Variants in CLEC12A observed in about 807,000 individuals in gnomAD.
The protein encoded by CLEC12A is C-type lectin protein CLL-1.
A neutral mutation model predicts 26.5 loss-of-function variants in CLEC12A; 22 were observed. The observed-to-expected ratio is 0.83, with a 90% CI of 0.59 to 1.19. The LOEUF (loss-of-function observed/expected upper bound fraction) is 1.19, where lower values mean the gene tolerates loss of function less well. CLEC12A is among the 50% of genes most tolerant of loss of function. The pLI, the probability that CLEC12A is intolerant of heterozygous loss-of-function variation, is 0.00. For synonymous variants in CLEC12A, 119 were observed against 101.9 expected (o/e 1.17, Z -1.01); for missense variants, 353 against 315.6 (o/e 1.12, Z -0.90).
downstream of CLEC12A, chr12:9,997,201 C>T (rs1865074571): frequency 6.2e-7 from 1 of 1,613,992 alleles, no homozygotes; most frequent in Non-Finnish European, 8.5e-7. Context: ...CACATATTGA[C>T]AGAAGCGCTT....
intron 1 of CLEC12A, among the ~76,000 whole-genome samples, chr12:9,954,513 A>G (rs529959481): frequency 1.3e-5 from 2 of 152,258 alleles, no homozygotes; most frequent in African/African-American, 4.8e-5. Flanking sequence ...TAATCAAACT[A>G]TCATGGAAAC....
At chr12:9,986,199 T>C, downstream of CLEC12A, 1 of 448,778 alleles carries the variant, frequency 2.2e-6, no homozygotes, top group South Asian at 1.6e-5. Flanking sequence ...ATTTACAGTT[T>C]GATCATTAAA....
At chr12:9,997,590 T>C (rs1163477549), downstream of CLEC12A, among the ~76,000 whole-genome samples, 5 of 152,212 alleles carry the variant, frequency 3.3e-5, no homozygotes, top group East Asian at 1.9e-4. Flanking sequence ...AGCTGAGTTA[T>C]AGAGGTGAAT....
At chr12:10,002,374 T>G in the CLEC12A span, among the ~76,000 whole-genome samples, 2 of 152,034 alleles carry the variant, frequency 1.3e-5, no homozygotes, top group African/African-American at 4.8e-5. Flanking sequence ...AGGTTAGTCT[T>G]TATGAAGCAG....
rs956262885 is a variant in CLEC12A at position 9,985,075 on chromosome 12, C to T, written c.*49C>T. Reference sequence around the variant, plus strand: ...GAGTGTAGGGGGTGGGGGTTCTAGGCTATAGGTAAATTTAAATATTTTCTG... The same window carrying T: ...GAGTGTAGGGGGTGGGGGTTCTAGGTTATAGGTAAATTTAAATATTTTCTG... On this transcript the variant is annotated 3_prime_UTR_variant, in exon 6 of 6. Transcript: ENST00000304361. The T allele has an allele frequency of 1.5e-5, 20 of 1,332,652 alleles. No individual in the cohort carries two copies. The highest frequency in any genetic ancestry group is 1.9e-5 in the Non-Finnish European group (20 of 1,042,612). The allele number at this position is 1,332,652 out of a possible 1,614,324, so 82.6% of individuals were successfully genotyped here. A position where few individuals can be genotyped will look rare whatever the true frequency, so the allele number is the denominator to read the frequency against.
the CLEC12A span, among the ~76,000 whole-genome samples, chr12:10,001,823 A>G: frequency 6.6e-6 from 1 of 151,810 alleles, no homozygotes; most frequent in Non-Finnish European, 1.5e-5. Context: ...CCTTGCTTGA[A>G]TATCTTATTC....
At chr12:9,990,042 A>T (rs1236771386), downstream of CLEC12A, among the ~76,000 whole-genome samples, 1 of 152,208 alleles carries the variant, frequency 6.6e-6, no homozygotes, top group East Asian at 1.9e-4. Context: ...CTCAGAAAAA[A>T]AAAAGGTCTT....
At chr12:9,965,047 G>A (rs1380619417) in intron 1 of CLEC12A, among the ~76,000 whole-genome samples, 2 of 152,164 alleles carry the variant, frequency 1.3e-5, no homozygotes, top group African/African-American at 4.8e-5. Flanking sequence ...TATGCGTCAG[G>A]TGGGAGAAAG....
At chr12:9,986,017 G>A (rs566877997), downstream of CLEC12A, 17 of 272,616 alleles carry the variant, frequency 6.2e-5, no homozygotes, top group Non-Finnish European at 7.1e-5. Flanking sequence ...TTCTGTGACA[G>A]TAGCTGGGCC....
downstream of CLEC12A, chr12:9,997,156 T>C (rs774070473): frequency 2.5e-6 from 4 of 1,613,862 alleles, no homozygotes; most frequent in African/African-American, 1.3e-5. Context: ...AAAACAATAC[T>C]TACTGAAAGT....
At chr12:9,986,103 C>A (rs1192846760), downstream of CLEC12A, 4 of 454,330 alleles carry the variant, frequency 8.8e-6, no homozygotes, top group East Asian at 7.0e-5. Context: ...CAGTGGGATG[C>A]CAAAATGACG....
Position 9,978,950 on chromosome 12 carries a change from A to T in CLEC12A, c.92-16A>T, listed in dbSNP as rs1379233077. ...ATACCATTTTTAGGCCTCTCTGTTA[A>T]TTTTGCTTTCCACAGCACCTCCAGC... On this transcript the variant is annotated splice_polypyrimidine_tract_variant and intron_variant, in intron 1 of 5. Transcript: ENST00000304361. The T allele has an allele frequency of 6.3e-7, 1 of 1,599,242 alleles. No homozygotes were observed. Among genetic ancestry groups the T allele is most frequent in the Non-Finnish European group, 8.6e-7 (1 of 1,166,830 alleles).
At position 9,971,661 on chromosome 12, in the gene CLEC12A, C is replaced by A; in HGVS notation, c.65C>A (p.Pro22Gln). ...AACTCCAGTGAGATGGAAAAAATCC[C>A]AGAAATTGGCAAATTTGGGGAAAAA... ...FQNSSEMEKI[P>Q]EIGKFGEKAP... Residue 22 changes from proline to glutamine, a missense_variant, in exon 1 of 6, where the codon CCA becomes CAA. Coordinates refer to ENST00000304361, the MANE Select transcript of CLEC12A (RefSeq NM_138337.6). 2 of 1,609,712 alleles carry A rather than the reference C, an allele frequency of 1.2e-6. No individual in the cohort carries two copies. The highest frequency in any genetic ancestry group is 1.7e-6 in the Non-Finnish European group (2 of 1,177,868).
chr12:9,982,088 T>A lies in CLEC12A; in HGVS notation c.600T>A (p.Thr200=), dbSNP rs776400405. Residue 200 remains threonine (T), a synonymous_variant, in exon 5 of 6, where the codon ACT becomes ACA. Coordinates refer to ENST00000304361, the MANE Select transcript of CLEC12A (RefSeq NM_138337.6). ...WLGLSPEEDS[T]RGMRVDNIIN... ...GATTATCTCCTGAAGAAGATTCCAC[T>A]CGTGGTATGAGAGTGGATAATATAA... 1 of 1,600,044 alleles carries A rather than the reference T, an allele frequency of 6.2e-7. No homozygotes were observed. Among genetic ancestry groups the A allele is most frequent in the South Asian group, 1.1e-5 (1 of 90,652 alleles).
intron 1 of CLEC12A, among the ~76,000 whole-genome samples, chr12:9,965,161 C>G (rs1459335821): frequency 6.6e-6 from 1 of 152,100 alleles, no homozygotes; most frequent in Non-Finnish European, 1.5e-5. Flanking sequence ...CCACTGCATG[C>G]AGACATGAGG....
At chr12:9,986,419 C>G (rs1259983100), downstream of CLEC12A, among the ~76,000 whole-genome samples, 1 of 137,904 alleles carries the variant, frequency 7.3e-6, no homozygotes, top group South Asian at 2.5e-4. Context: ...CTTTATCCCC[C>G]CCCCCCTTTT....
chr12:9,989,218 TG>T (rs1480448753), downstream of CLEC12A, among the ~76,000 whole-genome samples: 1 of 26,230 alleles, frequency 3.8e-5, no homozygotes, highest in Non-Finnish European at 7.3e-5. Flanking sequence ...TGTTGTGGGA[TG>T]GGGGGAGGGG....
downstream of CLEC12A, chr12:9,998,501 G>A (rs1865105628): frequency 7.9e-6 from 5 of 632,706 alleles, no homozygotes; most frequent in Admixed American, 7.1e-5. Context: ...GAGCTTTGCT[G>A]GCAGATCTCA....
At chr12:9,995,499 G>GT (rs1865021400) in exon 5 of CLEC12A, 2 of 412,202 alleles carry the variant, frequency 4.9e-6, no homozygotes, top group South Asian at 4.2e-5. Context: ...TTTATAACAT[G>GT]TATTTAGATC....
Sources: gnomAD v4.1 joint callset for allele counts (sites outside exome capture counted in the v4.1 genomes callset) on GRCh38, gnomAD v4.1.1 for gene constraint, MANE v1.5 for transcripts, NCBI Gene and HGNC (gene_info 2026-07-23, HGNC 2026-07-21) for gene names.